Variants in PTPRD observed in about 807,000 individuals in gnomAD.
The protein encoded by PTPRD is receptor-type tyrosine-protein phosphatase delta.
Under a neutral mutation model 214.5 loss-of-function variants are expected in PTPRD, and 34 were observed. The ratio of observed to expected loss-of-function variants is 0.16; its 90% CI spans 0.12 to 0.21. The LOEUF (loss-of-function observed/expected upper bound fraction) is 0.21. Among genes scored for constraint, PTPRD ranks in the 10% least tolerant of loss-of-function variants. The probability of loss-of-function intolerance (pLI) is 1.00; values close to 1 mark genes in which losing one functional copy is unlikely to be tolerated. For missense variants in PTPRD, 2,545 were observed against 2,398.7 expected (o/e 1.06, Z -1.27); for synonymous variants, 1,128 against 845.7 (o/e 1.33, Z -5.79).
chr9:9,705,111 G>A (rs1035590620), intron 7 of PTPRD, among the ~76,000 whole-genome samples: 32 of 152,220 alleles, frequency 2.1e-4, no homozygotes, highest in African/African-American at 7.2e-4. Context: ...AGCACTTCAC[G>A]TGAAGCTAGA....
intron 8 of PTPRD, among the ~76,000 whole-genome samples, chr9:9,430,707 A>G (rs1021621453): frequency 2.0e-5 from 3 of 152,158 alleles, no homozygotes; most frequent in Non-Finnish European, 4.4e-5. Flanking sequence ...AAAGAGAGAT[A>G]CAGACCAATG....
Position 10,502,639 on chromosome 9 carries a change from G to T in PTPRD, c.-600+109759C>A, listed in dbSNP as rs549159526. ...TTCAAAGACCCCATTGCCTAAGCAGGCTAAAAACGAAACACTGTGCATGCA... is the reference window on the plus strand; with the variant it reads ...TTCAAAGACCCCATTGCCTAAGCAGTCTAAAAACGAAACACTGTGCATGCA... On this transcript the variant is annotated intron_variant, in intron 2 of 45. Coordinates refer to ENST00000381196, the MANE Select transcript of PTPRD (RefSeq NM_002839.4). Among the ~76,000 whole-genome samples the T allele has an allele frequency of 1.6e-3, 240 of 152,120 alleles. 1 individual carries two copies. The highest frequency in any genetic ancestry group is 5.3e-3 in the African/African-American group (222 of 41,526).
chr9:8,716,362 C>T (rs905306566), intron 12 of PTPRD, among the ~76,000 whole-genome samples: 1 of 152,212 alleles, frequency 6.6e-6, no homozygotes, highest in Non-Finnish European at 1.5e-5. Context: ...TGTCCTTCTG[C>T]TTCATATTTT....
At chr9:8,604,584 G>A (rs938902586) in intron 14 of PTPRD, among the ~76,000 whole-genome samples, 1 of 152,162 alleles carries the variant, frequency 6.6e-6, no homozygotes, top group Admixed American at 6.5e-5. Flanking sequence ...AAAGTGGACA[G>A]TCAAGGAACA....
intron 12 of PTPRD, among the ~76,000 whole-genome samples, chr9:8,687,343 G>GA (rs2097701757): frequency 6.6e-6 from 1 of 152,158 alleles, no homozygotes; most frequent in African/African-American, 2.4e-5. Context: ...TATGAGGAAT[G>GA]AAAAAACTCT....
intron 3 of PTPRD, among the ~76,000 whole-genome samples, chr9:10,170,326 G>A (rs1376125208): frequency 6.6e-6 from 1 of 152,154 alleles, no homozygotes; most frequent in Non-Finnish European, 1.5e-5. Context: ...TACTGAGAAA[G>A]CTTTTTATAT....
intron 2 of PTPRD, among the ~76,000 whole-genome samples, chr9:10,554,360 C>T (rs1232965893): frequency 2.0e-5 from 3 of 152,160 alleles, no homozygotes; most frequent in African/African-American, 7.2e-5. Context: ...ATTTCCAGGA[C>T]CATTTCCAGG....
At chr9:10,162,444 G>T (rs2099132861) in intron 3 of PTPRD, among the ~76,000 whole-genome samples, 1 of 150,784 alleles carries the variant, frequency 6.6e-6, no homozygotes, top group Non-Finnish European at 1.5e-5. Context: ...AAGCCAAGCA[G>T]AGCAAGACAT....
At chr9:10,094,165 G>A (rs972914690) in intron 3 of PTPRD, among the ~76,000 whole-genome samples, 1 of 151,056 alleles carries the variant, frequency 6.6e-6, no homozygotes, top group Non-Finnish European at 1.5e-5. Context: ...CCGCTGTCTT[G>A]GTTTTAATAT....
intron 14 of PTPRD, among the ~76,000 whole-genome samples, chr9:8,630,789 G>C (rs191659109): frequency 2.7e-4 from 41 of 151,966 alleles, no homozygotes; most frequent in African/African-American, 8.7e-4. Context: ...CCAACTGAGA[G>C]ACAGGAAAAC....
At chr9:8,469,147 G>C (rs928927450) in intron 31 of PTPRD, among the ~76,000 whole-genome samples, 1 of 151,950 alleles carries the variant, frequency 6.6e-6, no homozygotes, top group Non-Finnish European at 1.5e-5. Flanking sequence ...TGATTAAAAT[G>C]ACCCTTTGTT....
intron 8 of PTPRD, among the ~76,000 whole-genome samples, chr9:9,513,647 T>A (rs2096765085): frequency 6.6e-6 from 1 of 151,220 alleles, no homozygotes. Flanking sequence ...CTTTCCTGAA[T>A]ATTCTTCTCC....
chr9:10,208,012 A>C (rs1312842749), intron 3 of PTPRD, among the ~76,000 whole-genome samples: 1 of 152,218 alleles, frequency 6.6e-6, no homozygotes, highest in Non-Finnish European at 1.5e-5. Context: ...AGACCTGCAC[A>C]TACACAACAT....
intron 10 of PTPRD, among the ~76,000 whole-genome samples, chr9:9,115,008 G>A (rs2099810957): frequency 6.6e-6 from 1 of 152,132 alleles, no homozygotes; most frequent in African/African-American, 2.4e-5. Context: ...TTTTAGAGAG[G>A]ACCGTGTATA....
rs534486366 is a variant in PTPRD at position 8,439,716 on chromosome 9, G to A, written c.3989-3027C>T. Among the ~76,000 whole-genome samples, 5 of 152,082 alleles carry A rather than the reference G, an allele frequency of 3.3e-5. No homozygotes were observed. In the East Asian group the frequency reaches 7.7e-4, roughly 24 times the overall value. ...CAAAATATTGTTACACAATTCTGCA[G>A]AAACATCTCCGCTGCCCAATATTGA... On this transcript the variant is annotated intron_variant, in intron 34 of 45. Transcript: ENST00000381196.
At chr9:10,566,785 T>C in intron 2 of PTPRD, among the ~76,000 whole-genome samples, 1 of 152,170 alleles carries the variant, frequency 6.6e-6, no homozygotes, top group Middle Eastern at 3.4e-3. Context: ...TCTCATAGCA[T>C]CTTCCAAGTT....
chr9:8,584,240 T>C (rs1163126073), intron 14 of PTPRD, among the ~76,000 whole-genome samples: 2 of 152,158 alleles, frequency 1.3e-5, no homozygotes, highest in Non-Finnish European at 2.9e-5. Context: ...ATATTTTCCA[T>C]ACCCAATCAT....
At chr9:8,534,099 C>T (rs2076344935) in intron 14 of PTPRD, among the ~76,000 whole-genome samples, 4 of 151,976 alleles carry the variant, frequency 2.6e-5, no homozygotes, top group Admixed American at 2.6e-4. Context: ...GATTTTCCTT[C>T]CATTGAGAAT....
rs114193263 is a variant in PTPRD, at chr9:8,769,029, G to T, written c.-103-35083C>A. Among the ~76,000 whole-genome samples, 1,019 of 152,230 alleles carry T rather than the reference G, an allele frequency of 6.7e-3. 11 individuals carry two copies. The highest frequency in any genetic ancestry group is 0.024 in the African/African-American group (978 of 41,540). On this transcript the variant is annotated intron_variant, in intron 11 of 45. Coordinates refer to ENST00000381196, the MANE Select transcript of PTPRD (RefSeq NM_002839.4). ...GCACAGGGGAGGTGTTTAGCCAAAAGCAACCCACCTAATTCTGTGTGTTAG... is the reference window on the plus strand; with the variant it reads ...GCACAGGGGAGGTGTTTAGCCAAAATCAACCCACCTAATTCTGTGTGTTAG...
Sources: allele counts gnomAD v4.1 joint callset (sites outside exome capture counted in the v4.1 genomes callset), GRCh38; gene constraint gnomAD v4.1.1; transcripts MANE v1.5; gene names NCBI Gene and HGNC (gene_info 2026-07-23, HGNC 2026-07-21).